Variants in BCL2 observed in about 807,000 individuals in gnomAD.
BCL2 encodes BCL2 apoptosis regulator, also known as apoptosis regulator Bcl-2.
In BCL2, 1 loss-of-function variant was observed where a neutral mutation model predicts 14.2. The observed-to-expected ratio is 0.07, with a 90% CI of 0.02 to 0.33. The LOEUF is 0.33. BCL2 is among the 10% of genes least tolerant of loss of function. The probability of loss-of-function intolerance (pLI) is 0.99; values close to 1 mark genes in which losing one functional copy is unlikely to be tolerated. For synonymous variants in BCL2, 151 were observed against 137.2 expected, an observed-to-expected ratio of 1.10 and a Z score of -0.70; for missense variants, 247 against 305.9, an observed-to-expected ratio of 0.81 and a Z score of 1.44.
At chr18:63,302,609 C>G (rs1912998260) in intron 2 of BCL2, 1 of 985,068 alleles carries the variant, frequency 1.0e-6, no homozygotes, top group Non-Finnish European at 1.2e-6. Flanking sequence ...TTTTGTCCTT[C>G]TGAAGAGTGA....
intron 2 of BCL2, among the ~76,000 whole-genome samples, chr18:63,167,935 A>G (rs1347803242): frequency 6.6e-5 from 10 of 151,832 alleles, no homozygotes. Flanking sequence ...CAAAAAAAAA[A>G]AAAAATAAAT....
In BCL2 at chr18:63,318,688, G is replaced by C; in HGVS notation, c.-22C>G. 2.5e-6 allele frequency: 4 copies of C among 1,611,906 alleles called. No individual in the cohort carries two copies. The highest frequency in any genetic ancestry group is 3.4e-6 in the Non-Finnish European group (4 of 1,178,906). ...CCATCCTTCCCAGAGGAAAAGCAACGGGGGCCAACGGCACCTCTCGCCCCA... is the reference window on the plus strand; with the variant it reads ...CCATCCTTCCCAGAGGAAAAGCAACCGGGGCCAACGGCACCTCTCGCCCCA... On this transcript the variant is annotated 5_prime_UTR_variant, in exon 2 of 3. Transcript: ENST00000333681. The surrounding 1 kb of genome is among the most constrained non-coding windows in gnomAD (Gnocchi z 7.4).
At chr18:63,158,741 G>C (rs941456062) in intron 2 of BCL2, among the ~76,000 whole-genome samples, 5 of 152,204 alleles carry the variant, frequency 3.3e-5, no homozygotes, top group African/African-American at 1.2e-4. Context: ...AAAATGCCAA[G>C]AGAAATTTAT....
chr18:63,134,218 CA>C (rs1163149130), intron 2 of BCL2, among the ~76,000 whole-genome samples: 1 of 152,130 alleles, frequency 6.6e-6, no homozygotes, highest in African/African-American at 2.4e-5. Flanking sequence ...TAATTCAATA[CA>C]AACATGTATA....
At chr18:63,146,959 C>A (rs750716135) in intron 2 of BCL2, among the ~76,000 whole-genome samples, 15 of 152,192 alleles carry the variant, frequency 9.9e-5, no homozygotes, top group African/African-American at 3.4e-4. Flanking sequence ...GTCTACAATA[C>A]CTTTTGGCGA....
chr18:63,219,264 AT>A (rs2144683927), intron 2 of BCL2, among the ~76,000 whole-genome samples: 1 of 152,056 alleles, frequency 6.6e-6, no homozygotes, highest in East Asian at 1.9e-4. Flanking sequence ...GAAAAATCTT[AT>A]TTTTCAAACC....
At chr18:63,280,249 T>C (rs1288268971) in intron 2 of BCL2, among the ~76,000 whole-genome samples, 1 of 152,170 alleles carries the variant, frequency 6.6e-6, no homozygotes, top group Non-Finnish European at 1.5e-5. Context: ...CACTGACTAA[T>C]TGTATGACCT....
intron 2 of BCL2, among the ~76,000 whole-genome samples, chr18:63,231,885 G>C (rs1457970974): frequency 6.6e-6 from 1 of 151,998 alleles, no homozygotes; most frequent in African/African-American, 2.4e-5. Flanking sequence ...CTTTGAAAAA[G>C]AATAATATGG....
intron 2 of BCL2, among the ~76,000 whole-genome samples, chr18:63,283,430 C>G (rs890364476): frequency 6.6e-6 from 1 of 152,178 alleles, no homozygotes; most frequent in Non-Finnish European, 1.5e-5. Context: ...GAGGTACCGT[C>G]TTTTCCTGCC....
chr18:63,280,429 T>C (rs984982419), intron 2 of BCL2, among the ~76,000 whole-genome samples: 1 of 152,236 alleles, frequency 6.6e-6, no homozygotes, highest in Non-Finnish European at 1.5e-5. Context: ...GCAAATTGTA[T>C]ATCTGATAAC....
At chr18:63,184,852 T>C (rs1481031) in intron 2 of BCL2, among the ~76,000 whole-genome samples, 81,900 of 152,082 alleles carry the variant, frequency 0.54, 24,184 homozygotes, top group Non-Finnish European at 0.67. Context: ...CTTGAATTTC[T>C]ACCCTTCTTC....
rs894365166 is a variant in BCL2 at position 63,127,404 on chromosome 18, C to T, written c.*1221G>A. 8.5e-6 allele frequency: 2 copies of T among 236,408 alleles called. No homozygotes were observed. Among genetic ancestry groups the T allele is most frequent in the African/African-American group, 4.4e-5 (2 of 45,268 alleles). The allele number at this position is 236,408 out of a possible 1,614,324, so 14.6% of individuals were successfully genotyped here. On this transcript the variant is annotated 3_prime_UTR_variant, in exon 3 of 3. Coordinates refer to ENST00000333681, the MANE Select transcript of BCL2 (RefSeq NM_000633.3). ...TCTGTTCCTTCCCTCTACAGTGATA[C>T]ATGTCTTAAGAAGGGTCGTGGCTCC...
chr18:63,218,634 C>T, intron 2 of BCL2, among the ~76,000 whole-genome samples: 2 of 151,400 alleles, frequency 1.3e-5, no homozygotes, highest in African/African-American at 2.4e-5. Context: ...TCATCCCATC[C>T]ACTCATCCCA....
chr18:63,237,112 C>T (rs1460791447), intron 2 of BCL2, among the ~76,000 whole-genome samples: 3 of 152,136 alleles, frequency 2.0e-5, no homozygotes, highest in African/African-American at 4.8e-5. Flanking sequence ...TCCCCATAAA[C>T]GCCGCTGGTC....
chr18:63,150,403 A>C (rs959880776), intron 2 of BCL2, among the ~76,000 whole-genome samples: 1 of 152,274 alleles, frequency 6.6e-6, no homozygotes, highest in Non-Finnish European at 1.5e-5. Flanking sequence ...GGGCTGAAAG[A>C]AAAGCAGAAA....
chr18:63,142,550 A>G (rs17756073), intron 2 of BCL2, among the ~76,000 whole-genome samples: 37,823 of 152,082 alleles, frequency 0.25, 5,103 homozygotes, highest in Non-Finnish European at 0.31. Context: ...AAGCACCCCA[A>G]CGTATAATAG....
At chr18:63,148,330 T>C (rs936129941) in intron 2 of BCL2, among the ~76,000 whole-genome samples, 8 of 152,122 alleles carry the variant, frequency 5.3e-5, no homozygotes, top group Non-Finnish European at 8.8e-5. Flanking sequence ...GTCAGTGATA[T>C]GCGAGTCATA....
chr18:63,177,100 A>C (rs1329604964), intron 2 of BCL2, among the ~76,000 whole-genome samples: 1 of 152,050 alleles, frequency 6.6e-6, no homozygotes, highest in Non-Finnish European at 1.5e-5. Context: ...TATTTTTAGT[A>C]GAGACGGGTT....
intron 2 of BCL2, among the ~76,000 whole-genome samples, chr18:63,243,298 T>C (rs1348669062): frequency 6.6e-6 from 1 of 152,106 alleles, no homozygotes; most frequent in Non-Finnish European, 1.5e-5. Flanking sequence ...TACTTATTAG[T>C]GGGAGCTAAC....
Sources: allele counts gnomAD v4.1 joint callset (sites outside exome capture counted in the v4.1 genomes callset), GRCh38; gene constraint gnomAD v4.1.1; non-coding constraint Gnocchi (gnomAD v3.1); transcripts MANE v1.5; gene names NCBI Gene and HGNC (gene_info 2026-07-23, HGNC 2026-07-21).